MAGI1: variants seen among roughly 807,000 people sequenced by gnomAD.
The protein encoded by MAGI1 is membrane associated guanylate kinase, WW and PDZ domain containing 1.
In MAGI1, 58 loss-of-function variants were observed where a neutral mutation model predicts 139.9. The ratio of observed to expected loss-of-function variants is 0.41; its 90% CI spans 0.34 to 0.52. The LOEUF is 0.52. Ranked by LOEUF, MAGI1 falls within the 20% of genes least tolerant of loss-of-function variation. The probability of loss-of-function intolerance (pLI) is 0.12; values close to 1 mark genes in which losing one functional copy is unlikely to be tolerated. For synonymous variants in MAGI1, 812 were observed against 737.9 expected, an observed-to-expected ratio of 1.10 and a Z score of -1.63; for missense variants, 1,874 against 1,901.6, an observed-to-expected ratio of 0.99 and a Z score of 0.27.
At chr3:65,473,639 CAAAAAAAA>C (rs35970775) in intron 4 of MAGI1, among the ~76,000 whole-genome samples, 4 of 87,358 alleles carry the variant, frequency 4.6e-5, no homozygotes, top group Middle Eastern at 0.02. Flanking sequence ...TACATGTTTA[CAAAAAAAA>C]AAAAAAAAAA....
At chr3:65,818,401 G>C (rs2108237127) in intron 1 of MAGI1, among the ~76,000 whole-genome samples, 2 of 152,246 alleles carry the variant, frequency 1.3e-5, no homozygotes, top group South Asian at 4.1e-4. Context: ...GCTGAATAAA[G>C]GGCTGAGTGT....
chr3:65,465,161 T>C (rs1264414356), intron 5 of MAGI1, among the ~76,000 whole-genome samples: 2 of 151,294 alleles, frequency 1.3e-5, no homozygotes, highest in East Asian at 1.9e-4. Flanking sequence ...TTTAGAAACA[T>C]TAAACAGTAC....
intron 1 of MAGI1, among the ~76,000 whole-genome samples, chr3:65,954,187 A>G (rs1398283826): frequency 1.3e-5 from 2 of 152,226 alleles, no homozygotes; most frequent in Non-Finnish European, 2.9e-5. Context: ...GAATAATCCT[A>G]TAAGAAAATA....
chr3:65,505,684 T>C (rs2077256918), intron 2 of MAGI1, among the ~76,000 whole-genome samples: 1 of 149,538 alleles, frequency 6.7e-6, no homozygotes, highest in South Asian at 2.1e-4. Flanking sequence ...TGACTGCTAA[T>C]AGCTACATGG....
chr3:65,480,697 A>G (rs1453957663), intron 3 of MAGI1, among the ~76,000 whole-genome samples: 3 of 147,766 alleles, frequency 2.0e-5, no homozygotes, highest in South Asian at 4.2e-4. Context: ...GCGATTCTCC[A>G]GTCTCAGCCT....
chr3:65,691,977 G>C (rs562481567), intron 1 of MAGI1, among the ~76,000 whole-genome samples: 41 of 152,228 alleles, frequency 2.7e-4, no homozygotes, highest in South Asian at 1.7e-3. Context: ...TTTCAGAACA[G>C]AATAAAATTC....
intron 1 of MAGI1, among the ~76,000 whole-genome samples, chr3:65,743,989 T>C (rs1212344598): frequency 6.6e-6 from 1 of 152,068 alleles, no homozygotes; most frequent in African/African-American, 2.4e-5. Context: ...AGACTTAACA[T>C]TCCTTCATTA....
chr3:66,010,259 T>C (rs1292425092), intron 1 of MAGI1, among the ~76,000 whole-genome samples: 1 of 152,092 alleles, frequency 6.6e-6, no homozygotes, highest in Non-Finnish European at 1.5e-5. Flanking sequence ...CAACAAAAAG[T>C]ATACAGAAAG....
intron 1 of MAGI1, among the ~76,000 whole-genome samples, chr3:65,693,622 T>C (rs1290805649): frequency 2.0e-5 from 3 of 152,330 alleles, no homozygotes; most frequent in South Asian, 2.1e-4. Context: ...GTTAGCCTCT[T>C]TGGAGAGACC....
At chr3:65,509,639 G>A (rs2077476130) in intron 2 of MAGI1, among the ~76,000 whole-genome samples, 1 of 152,186 alleles carries the variant, frequency 6.6e-6, no homozygotes, top group Non-Finnish European at 1.5e-5. Context: ...CCCACACCTG[G>A]CTCAGAGGGT....
intron 1 of MAGI1, among the ~76,000 whole-genome samples, chr3:65,629,266 C>T (rs1028460086): frequency 1.3e-5 from 2 of 152,100 alleles, no homozygotes; most frequent in African/African-American, 2.4e-5. Flanking sequence ...TTAATGTATC[C>T]ATCTGTGACC....
rs142125117 is a variant in MAGI1, at chr3:65,481,672, T to C, written c.551-2874A>G. The stretch of plus-strand genomic sequence containing the variant: ...ATAATTTCCTAACCATATCACTCAG[T>C]TTCAGTGCCATTAAACTGAAGTAGC... On this transcript the variant is annotated intron_variant, in intron 3 of 22. Coordinates refer to ENST00000402939, the MANE Select transcript of MAGI1 (RefSeq NM_001033057.2). Among the ~76,000 whole-genome samples the C allele has an allele frequency of 5.5e-3, 844 of 152,324 alleles. 7 individuals carry two copies. Among genetic ancestry groups the C allele is most frequent in the African/African-American group, 0.017 (707 of 41,564 alleles).
chr3:65,936,108 G>A (rs2063038091), intron 1 of MAGI1, among the ~76,000 whole-genome samples: 1 of 152,186 alleles, frequency 6.6e-6, no homozygotes, highest in Non-Finnish European at 1.5e-5. Flanking sequence ...ACCAGGTTAA[G>A]GACTTCAACT....
At chr3:65,576,394 C>G (rs2081179851) in intron 2 of MAGI1, among the ~76,000 whole-genome samples, 1 of 152,126 alleles carries the variant, frequency 6.6e-6, no homozygotes, top group African/African-American at 2.4e-5. Context: ...CCTACGTAGA[C>G]AATGCTAATC....
chr3:65,737,106 A>G (rs13324355), intron 1 of MAGI1, among the ~76,000 whole-genome samples: 4,686 of 151,460 alleles, frequency 0.031, 252 homozygotes, highest in African/African-American at 0.11. Flanking sequence ...CTGGGTTCAC[A>G]CCATTCTCCT....
intron 1 of MAGI1, among the ~76,000 whole-genome samples, chr3:65,993,997 G>C (rs888764125): frequency 6.6e-6 from 1 of 152,096 alleles, no homozygotes; most frequent in Non-Finnish European, 1.5e-5. Flanking sequence ...TGGTAGGCCG[G>C]ATGCAGTGAC....
At chr3:65,811,325 G>A (rs931180933) in intron 1 of MAGI1, among the ~76,000 whole-genome samples, 1 of 152,210 alleles carries the variant, frequency 6.6e-6, no homozygotes, top group South Asian at 2.1e-4. Flanking sequence ...GGAGACTAGT[G>A]TCTAAATGTT....
At chr3:65,721,782 C>T (rs13326209) in intron 1 of MAGI1, among the ~76,000 whole-genome samples, 45,862 of 151,690 alleles carry the variant, frequency 0.3, 7,468 homozygotes, top group African/African-American at 0.38. Flanking sequence ...TTGCACACTG[C>T]CTCAGTTGGT....
intron 2 of MAGI1, among the ~76,000 whole-genome samples, chr3:65,500,349 T>C (rs1524975): frequency 0.23 from 35,179 of 152,168 alleles, 4,237 homozygotes; most frequent in Middle Eastern, 0.27. Flanking sequence ...TTGAGCTGTG[T>C]CCTAGTGAGT....
Sources: allele counts gnomAD v4.1 joint callset (sites outside exome capture counted in the v4.1 genomes callset), GRCh38; gene constraint gnomAD v4.1.1; transcripts MANE v1.5; gene names NCBI Gene and HGNC (gene_info 2026-07-23, HGNC 2026-07-21).